Variants in WDR37 observed in about 807,000 individuals in gnomAD.
WDR37 encodes WD repeat-containing protein 37.
WDR37 carries 19 observed loss-of-function variants against 62.9 expected under a neutral mutation model. That is an observed-to-expected ratio of 0.30 (90% confidence interval 0.21 to 0.44). The LOEUF is 0.44. WDR37 is among the 20% of genes least tolerant of loss of function. The pLI is 1.00. For missense variants in WDR37, 474 were observed against 657.6 expected (o/e 0.72, Z 3.05); for synonymous variants, 250 against 260.9 (o/e 0.96, Z 0.40).
At position 1,063,232 on chromosome 10, in the gene WDR37, G is replaced by A. The variant is rs139933036; in HGVS notation, c.-41+6264G>A. On this transcript the variant is annotated intron_variant, in intron 1 of 13. Coordinates refer to ENST00000263150, the MANE Select transcript of WDR37 (RefSeq NM_014023.4). The stretch of plus-strand genomic sequence containing the variant: ...ATGTTGTGCTGGATAAGCTAGCAGC[G>A]CAGGTATAAAAGGACTCAGACAAAA... Among the ~76,000 whole-genome samples, 513 of 152,220 alleles carry A rather than the reference G, an allele frequency of 3.4e-3. 3 individuals are homozygous for A. The highest frequency in any genetic ancestry group is 0.01 in the East Asian group (52 of 5,182).
intron 7 of WDR37, among the ~76,000 whole-genome samples, chr10:1,092,768 G>A (rs1313427126): frequency 6.7e-6 from 1 of 150,348 alleles, no homozygotes; most frequent in East Asian, 2.0e-4. Flanking sequence ...TACTTGGGAG[G>A]CTAAGGTAGG....
intron 1 of WDR37, among the ~76,000 whole-genome samples, chr10:1,068,734 A>G (rs1000072887): frequency 4.6e-5 from 7 of 152,242 alleles, no homozygotes; most frequent in East Asian, 1.9e-4. Flanking sequence ...AACATAAGCA[A>G]TTCTGTTTCC....
chr10:1,072,409 G>A (rs1231096479), intron 2 of WDR37, 116 bp downstream of exon 2: 3 of 1,389,990 alleles, frequency 2.2e-6, no homozygotes, highest in East Asian at 4.7e-5. Flanking sequence ...CCACCTCCTG[G>A]GTGGAAGTGA....
At chr10:1,119,926 A>G (rs528464636) in intron 11 of WDR37, among the ~76,000 whole-genome samples, 20 of 152,230 alleles carry the variant, frequency 1.3e-4, no homozygotes, top group Non-Finnish European at 2.5e-4. Context: ...AGGTAGAACT[A>G]TGCATTAGGA....
intron 8 of WDR37, 152 bp from the exon 9 acceptor site, chr10:1,096,018 A>G: frequency 1.6e-6 from 1 of 644,822 alleles, no homozygotes; most frequent in Non-Finnish European, 2.7e-6. Flanking sequence ...CAGTCTCAGA[A>G]AAGAGTTATT....
chr10:1,074,660 G>A (rs7070991), intron 2 of WDR37, among the ~76,000 whole-genome samples: 13,114 of 152,234 alleles, frequency 0.086, 1,115 homozygotes, highest in African/African-American at 0.23. Flanking sequence ...TGTGAGGGGG[G>A]CGATCTCAGA....
At position 1,105,094 on chromosome 10, in the gene WDR37, G is replaced by A; in HGVS notation, c.962-32G>A. 1.9e-6 allele frequency: 3 copies of A among 1,612,628 alleles called. No homozygotes were observed. The East Asian group carries it at 6.7e-5, about 36-fold the overall frequency. ...GTCTCTCTCAGCGTGCTCCTCAGGT[G>A]ATGACCTTGTGTTTTGCCATCTTGG... On this transcript the variant is annotated intron_variant, in intron 10 of 13. Transcript: ENST00000263150. The surrounding 1 kb of genome is among the most constrained non-coding windows in gnomAD (Gnocchi z 5.3).
intron 2 of WDR37, among the ~76,000 whole-genome samples, chr10:1,074,722 G>C (rs543375696): frequency 2.7e-4 from 41 of 152,352 alleles, no homozygotes; most frequent in Non-Finnish European, 5.3e-4. Context: ...ACAGTGTAGA[G>C]TGACGCCCTT....
intron 1 of WDR37, among the ~76,000 whole-genome samples, chr10:1,066,330 A>G (rs775939830): frequency 2.6e-5 from 4 of 152,186 alleles, no homozygotes; most frequent in Non-Finnish European, 4.4e-5. Flanking sequence ...GTTAGCTAGG[A>G]TGGTCTCGAA....
intron 1 of WDR37, among the ~76,000 whole-genome samples, chr10:1,065,693 C>T (rs1257237031): frequency 6.6e-6 from 1 of 152,094 alleles, no homozygotes; most frequent in East Asian, 1.9e-4. Context: ...ACTTGATAAA[C>T]AGCACCTACA....
intron 7 of WDR37, among the ~76,000 whole-genome samples, chr10:1,086,669 A>G (rs141056571): frequency 1.1e-3 from 164 of 152,340 alleles, no homozygotes; most frequent in African/African-American, 3.8e-3. Flanking sequence ...CACAAAATAC[A>G]TATCTGTTTT....
At chr10:1,101,647 T>C (rs1834806365) in intron 9 of WDR37, among the ~76,000 whole-genome samples, 2 of 152,176 alleles carry the variant, frequency 1.3e-5, no homozygotes, top group Non-Finnish European at 2.9e-5. Flanking sequence ...GTCTGGTGAT[T>C]TTGCATCACA....
chr10:1,062,933 A>G (rs1390937043), intron 1 of WDR37, among the ~76,000 whole-genome samples: 1 of 152,168 alleles, frequency 6.6e-6, no homozygotes, highest in Non-Finnish European at 1.5e-5. Context: ...TAAAAATACA[A>G]TAATTAGCCA....
intron 1 of WDR37, among the ~76,000 whole-genome samples, chr10:1,068,516 T>C (rs1833625467): frequency 6.6e-6 from 1 of 152,092 alleles, no homozygotes; most frequent in African/African-American, 2.4e-5. Flanking sequence ...TAGCCTGTCT[T>C]GATGACTGTG....
intron 11 of WDR37, among the ~76,000 whole-genome samples, chr10:1,122,719 T>G (rs1835624822): frequency 6.6e-6 from 1 of 152,260 alleles, no homozygotes; most frequent in African/African-American, 2.4e-5. Flanking sequence ...TTTTATTATT[T>G]GAGTTCTAAA....
rs754253921 is a variant in WDR37 at position 1,093,456 on chromosome 10, T to C, written c.609T>C (p.Asn203=). 2.5e-6 allele frequency: 4 copies of C among 1,607,516 alleles called. No homozygotes were observed. In the African/African-American group the frequency reaches 5.4e-5, roughly 22 times the overall value. ...TATCATATTTTTATTTTGCAGTAAA[T>C]TCTATCAAATTTCATCCCTCAGAGC... ...VKYAGHVGSV[N]SIKFHPSEQL... is the part of the protein sequence containing the mutation. The change falls in exon 8 of 14, where the codon AAT becomes AAC. Residue 203 remains asparagine (N), a synonymous_variant. Coordinates refer to ENST00000263150, the MANE Select transcript of WDR37 (RefSeq NM_014023.4).
chr10:1,079,911 C>G lies in WDR37; in HGVS notation c.236-100C>G, dbSNP rs933035578. 3 of 868,478 alleles carry G rather than the reference C, an allele frequency of 3.5e-6. No individual in the cohort carries two copies. The African/African-American group carries it at 5.1e-5, about 15-fold the overall frequency. 53.8% of individuals were successfully genotyped at this position (868,478 alleles called of 1,614,324 possible). ...TATTCATGTCTTTGTTTATATAACA[C>G]TAATATATAGCATTTTTTCTGTGTG... On this transcript the variant is annotated intron_variant, in intron 3 of 13. Transcript: ENST00000263150.
rs768499103 is a variant in WDR37 at position 1,077,924 on chromosome 10, C to T, written c.156C>T (p.Ser52=). The part of the protein sequence containing the change: ...MLEGQDSKLP[S]SVRSTLLELF... ...TTCTGCAGGATTCTAAACTGCCTTC[C>T]TCGGTTCGCAGTACACTTCTGGAAC... Residue 52 remains serine, a synonymous_variant, in exon 3 of 14, where the codon TCC becomes TCT. Coordinates refer to ENST00000263150, the MANE Select transcript of WDR37 (RefSeq NM_014023.4). 4 of 1,610,556 alleles carry T rather than the reference C, an allele frequency of 2.5e-6. No homozygotes were observed. In the South Asian group the frequency reaches 3.3e-5, roughly 13 times the overall value.
intron 1 of WDR37, among the ~76,000 whole-genome samples, chr10:1,061,435 A>G (rs2131601754): frequency 6.6e-6 from 1 of 152,340 alleles, no homozygotes; most frequent in South Asian, 2.1e-4. Context: ...TTCAAAATCC[A>G]TAACATGACA....
Sources: allele counts gnomAD v4.1 joint callset (sites outside exome capture counted in the v4.1 genomes callset), GRCh38; gene constraint gnomAD v4.1.1; non-coding constraint Gnocchi (gnomAD v3.1); transcripts MANE v1.5; gene names NCBI Gene and HGNC (gene_info 2026-07-23, HGNC 2026-07-21).